The following TIGAR variants were observed in gnomAD, a reference collection of about 807,000 sequenced individuals.
TIGAR encodes the protein fructose-2,6-bisphosphatase TIGAR.
TIGAR carries 7 observed loss-of-function variants against 17.9 expected under a neutral mutation model. The ratio of observed to expected loss-of-function variants is 0.39; its 90% CI spans 0.22 to 0.73. The LOEUF (loss-of-function observed/expected upper bound fraction) is 0.73, where lower values mean the gene tolerates loss of function less well. TIGAR is among the 30% of genes least tolerant of loss of function. The pLI is 0.42. For missense variants in TIGAR, 258 were observed against 327.4 expected, an observed-to-expected ratio of 0.79 and a Z score of 1.64; for synonymous variants, 94 against 108.6, an observed-to-expected ratio of 0.87 and a Z score of 0.84.
chr12:4,347,099 TC>T (rs1864789676), intron 3 of TIGAR, among the ~76,000 whole-genome samples: 1 of 152,180 alleles, frequency 6.6e-6, no homozygotes, highest in South Asian at 2.1e-4. Flanking sequence ...ATATCTGCAC[TC>T]CCATATTGCA....
chr12:4,330,792 G>C (rs891583206), intron 1 of TIGAR, among the ~76,000 whole-genome samples: 1 of 152,158 alleles, frequency 6.6e-6, no homozygotes, highest in African/African-American at 2.4e-5. Context: ...AAAAATAACT[G>C]CTGAAGACCT....
chr12:4,336,982 A>G, intron 2 of TIGAR, 57 bp from the exon 3 acceptor site: 2 of 1,471,164 alleles, frequency 1.4e-6, no homozygotes, highest in Non-Finnish European at 1.8e-6. Flanking sequence ...CATGTGATTT[A>G]TACATCTCTG....
intron 4 of TIGAR, among the ~76,000 whole-genome samples, chr12:4,350,121 C>T (rs1345187453): frequency 6.6e-6 from 1 of 152,116 alleles, no homozygotes; most frequent in Non-Finnish European, 1.5e-5. Flanking sequence ...AAGGTACGCT[C>T]ATAAGAACTT....
At chr12:4,337,851 T>C (rs1036488940) in intron 3 of TIGAR, among the ~76,000 whole-genome samples, 5 of 152,072 alleles carry the variant, frequency 3.3e-5, no homozygotes, top group Non-Finnish European at 5.9e-5. Context: ...GAAAAACCAG[T>C]TGGGCATGGT....
At chr12:4,345,978 T>C (rs1240410645) in intron 3 of TIGAR, among the ~76,000 whole-genome samples, 1 of 152,200 alleles carries the variant, frequency 6.6e-6, no homozygotes, top group Admixed American at 6.5e-5. Context: ...AAGAAGAAGT[T>C]TATGTAGCCA....
intron 1 of TIGAR, 103 bp from the exon 2 acceptor site, chr12:4,331,177 A>G (rs1864599775): frequency 6.1e-6 from 6 of 988,528 alleles, no homozygotes; most frequent in South Asian, 2.6e-5. Flanking sequence ...CAAGTTTCAC[A>G]TGATATTTTT....
At chr12:4,333,806 G>T (rs1231290791) in intron 2 of TIGAR, among the ~76,000 whole-genome samples, 1 of 152,122 alleles carries the variant, frequency 6.6e-6, no homozygotes, top group Non-Finnish European at 1.5e-5. Context: ...CACCATGTTG[G>T]CCAGGCAGGT....
At chr12:4,333,863 G>A (rs545674395) in intron 2 of TIGAR, among the ~76,000 whole-genome samples, 2 of 152,348 alleles carry the variant, frequency 1.3e-5, no homozygotes, top group African/African-American at 4.8e-5. Flanking sequence ...GCCTCCCAAA[G>A]TGTTGGGATT....
Position 4,349,717 on chromosome 12 carries a change from C to T in TIGAR, c.193-102C>T, listed in dbSNP as rs1864817154. On this transcript the variant is annotated intron_variant, in intron 3 of 5. Transcript: ENST00000179259. ...CAGGTGTGAGCCACCGTGCCTGGTTCTAGTTCTTTTTTATTCACTAAGATG... is the reference window on the plus strand; with the variant it reads ...CAGGTGTGAGCCACCGTGCCTGGTTTTAGTTCTTTTTTATTCACTAAGATG... 35 of 990,952 alleles carry T rather than the reference C, an allele frequency of 3.5e-5. No individual in the cohort carries two copies. The South Asian group carries it at 5.6e-4, about 16-fold the overall frequency. The allele number at this position is 990,952 out of a possible 1,614,324, so 61.4% of individuals were successfully genotyped here.
intron 1 of TIGAR, among the ~76,000 whole-genome samples, chr12:4,328,970 A>G (rs1041457033): frequency 3.9e-5 from 6 of 152,162 alleles, no homozygotes; most frequent in African/African-American, 1.4e-4. Flanking sequence ...TAGTCTTCCT[A>G]TTCTTCCCCC....
chr12:4,327,782 C>G (rs1864562544), intron 1 of TIGAR, among the ~76,000 whole-genome samples: 1 of 152,146 alleles, frequency 6.6e-6, no homozygotes, highest in South Asian at 2.1e-4. Flanking sequence ...ATTCTTCTGC[C>G]TCAGCCTCCC....
Position 4,355,498 on chromosome 12 carries a change from C to T in TIGAR, c.*2807C>T, listed in dbSNP as rs1373239101. Among the ~76,000 whole-genome samples the T allele has an allele frequency of 6.6e-6, 1 of 152,170 alleles. No homozygotes were observed. The highest frequency in any genetic ancestry group is 1.5e-5 in the Non-Finnish European group (1 of 68,034). On this transcript the variant is annotated 3_prime_UTR_variant, in exon 6 of 6. Coordinates refer to ENST00000179259, the MANE Select transcript of TIGAR (RefSeq NM_020375.3). ...AACTATTTATGCACTTTTATTCTTC[C>T]ATATAAATTTTGGAATCAATTGGTC...
At chr12:4,328,221 T>TG (rs1864567353) in intron 1 of TIGAR, among the ~76,000 whole-genome samples, 1 of 152,054 alleles carries the variant, frequency 6.6e-6, no homozygotes, top group African/African-American at 2.4e-5. Flanking sequence ...GATGAGGTCT[T>TG]GCTTTTGTCG....
chr12:4,333,629 C>T (rs551122116), intron 2 of TIGAR, among the ~76,000 whole-genome samples: 5 of 152,232 alleles, frequency 3.3e-5, no homozygotes, highest in East Asian at 1.9e-4. Context: ...CTACCAGGCT[C>T]GGCTAGTTTT....
chr12:4,336,105 A>C (rs1323198899), intron 2 of TIGAR, among the ~76,000 whole-genome samples: 1 of 152,076 alleles, frequency 6.6e-6, no homozygotes, highest in East Asian at 1.9e-4. Flanking sequence ...TTGTGTGTTG[A>C]ATCTTTGGCT....
At chr12:4,345,947 A>G (rs897217472) in intron 3 of TIGAR, among the ~76,000 whole-genome samples, 10 of 152,262 alleles carry the variant, frequency 6.6e-5, no homozygotes, top group Non-Finnish European at 4.4e-5. Flanking sequence ...TGGGCAAAGG[A>G]TATGAACAGA....
At position 4,321,604 on chromosome 12, in the gene TIGAR, A is replaced by G. The variant is rs763390814; in HGVS notation, c.32+301A>G. Among the ~76,000 whole-genome samples, 4 of 152,154 alleles carry G rather than the reference A, an allele frequency of 2.6e-5. No homozygotes were observed. The highest frequency in any genetic ancestry group is 3.2e-3 in the Middle Eastern group (1 of 316). On this transcript the variant is annotated intron_variant, in intron 1 of 5. Transcript: ENST00000179259. This position sits in a 1 kb window ranked among gnomAD's most constrained non-coding sequence, Gnocchi z 5.2. ...TCGTAGGCACTTGGTGGCTGCACCAAAAACGGTGCCAGACATGTCCACAGA... is the reference window on the plus strand; with the variant it reads ...TCGTAGGCACTTGGTGGCTGCACCAGAAACGGTGCCAGACATGTCCACAGA...
chr12:4,349,886 T>C lies in TIGAR; in HGVS notation c.260T>C (p.Leu87Pro). The C allele has an allele frequency of 6.4e-7, 1 of 1,567,646 alleles. No homozygotes were observed. The highest frequency in any genetic ancestry group is 8.6e-7 in the Non-Finnish European group (1 of 1,163,442). Residue 87 changes from leucine to proline, a missense_variant, in exon 4 of 6, where the codon CTT becomes CCT. By Grantham distance (98) the Leu-to-Pro change is moderately conservative. Transcript: ENST00000179259. Reference protein sequence around the residue: ...KDMTVKYDSRLRERKYGVVEG... With the variant: ...KDMTVKYDSRPRERKYGVVEG... ...ATGACGGTAAAGTATGACTCAAGACTTCGGGAAAGGGTGAGTAACTTATTT... is the reference window on the plus strand; with the variant it reads ...ATGACGGTAAAGTATGACTCAAGACCTCGGGAAAGGGTGAGTAACTTATTT...
rs1337715155 is a variant in TIGAR at position 4,337,177 on chromosome 12, A to C, written c.192+17A>C. 1 of 1,588,728 alleles carries C rather than the reference A, an allele frequency of 6.3e-7. No homozygotes were observed. Among genetic ancestry groups the C allele is most frequent in the East Asian group, 2.3e-5 (1 of 44,370 alleles). On this transcript the variant is annotated intron_variant, in intron 3 of 5. Transcript: ENST00000179259. The stretch of plus-strand genomic sequence containing the variant: ...ACAAAGCAGGTACATTTATTTATTT[A>C]TTTATTTTGAGACAGAGCGTCACTC...
Sources: allele counts gnomAD v4.1 joint callset (sites outside exome capture counted in the v4.1 genomes callset), GRCh38; gene constraint gnomAD v4.1.1; non-coding constraint Gnocchi (gnomAD v3.1); transcripts MANE v1.5; gene names NCBI Gene and HGNC (gene_info 2026-07-23, HGNC 2026-07-21).